The following CFAP74 variants were observed in gnomAD, a reference collection of about 807,000 sequenced individuals.
CFAP74 encodes the protein cilia- and flagella-associated protein 74.
In CFAP74, 124 loss-of-function variants were observed where a neutral mutation model predicts 188.9. The observed-to-expected ratio is 0.66, with a 90% CI of 0.57 to 0.76. The LOEUF (loss-of-function observed/expected upper bound fraction) is 0.76, where lower values mean the gene tolerates loss of function less well. Among genes scored for constraint, CFAP74 ranks in the 30% least tolerant of loss-of-function variants. The pLI, the probability that CFAP74 is intolerant of heterozygous loss-of-function variation, is 0.00. For missense variants in CFAP74, 2,198 were observed against 2,165.2 expected (o/e 1.02, Z -0.30); for synonymous variants, 956 against 916.7 (o/e 1.04, Z -0.77).
chr1:1,962,560 G>A (rs1274717520), intron 14 of CFAP74, among the ~76,000 whole-genome samples: 1 of 151,618 alleles, frequency 6.6e-6, no homozygotes, highest in Non-Finnish European at 1.5e-5. Flanking sequence ...CCGTCAGAGG[G>A]AAAAATGAAG....
Position 1,927,626 on chromosome 1 carries a change from T to C in CFAP74, c.3508A>G (p.Lys1170Glu), listed in dbSNP as rs904347342. 4 of 1,550,062 alleles carry C rather than the reference T, an allele frequency of 2.6e-6. No individual in the cohort carries two copies. In the South Asian group the frequency reaches 4.8e-5, roughly 18 times the overall value. Residue 1170 changes from lysine (K) to glutamate (E), a missense_variant, in exon 28 of 39, where the codon AAG becomes GAG. Transcript: ENST00000682832. ...ACCCACCTGGGCCTCAGCTCCCGCTTCCGCATCTCCAGGACGTGGGGGACA... is the reference window on the plus strand; with the variant it reads ...ACCCACCTGGGCCTCAGCTCCCGCTCCCGCATCTCCAGGACGTGGGGGACA... The part of the protein sequence containing the change: ...VSVPHVLEMR[K>E]RELRPSSDEY...
chr1:1,935,051 C>T (rs1180257023), intron 25 of CFAP74, among the ~76,000 whole-genome samples: 30 of 47,750 alleles, frequency 6.3e-4, no homozygotes, highest in South Asian at 1.1e-3. Flanking sequence ...GGGTGTTAGG[C>T]TGTGGGTACA....
In CFAP74 at chr1:1,923,304, C is replaced by T; in HGVS notation, c.4522+63G>A. On this transcript the variant is annotated intron_variant, in intron 36 of 38. Coordinates refer to ENST00000682832, the MANE Select transcript of CFAP74 (RefSeq NM_001304360.2). The surrounding 1 kb of genome is among the most constrained non-coding windows in gnomAD (Gnocchi z 6.3). ...CCTGCTCCGCTGGGTCTCGGGGCCCCCATCCACGGGACAGGGGCACCGGGA... is the reference window on the plus strand; with the variant it reads ...CCTGCTCCGCTGGGTCTCGGGGCCCTCATCCACGGGACAGGGGCACCGGGA... 1 of 1,517,694 alleles carries T rather than the reference C, an allele frequency of 6.6e-7. No individual in the cohort carries two copies. The highest frequency in any genetic ancestry group is 8.9e-7 in the Non-Finnish European group (1 of 1,126,634). The allele number at this position is 1,517,694 out of a possible 1,614,324, so 94.0% of individuals were successfully genotyped here. A position where few individuals can be genotyped will look rare whatever the true frequency, so the allele number is the denominator to read the frequency against.
intron 1 of CFAP74, among the ~76,000 whole-genome samples, chr1:1,993,918 C>A (rs374933354): frequency 6.7e-6 from 1 of 150,070 alleles, no homozygotes; most frequent in Non-Finnish European, 1.5e-5. Flanking sequence ...GGAGGCGGAG[C>A]TTGCAGTGAG....
At chr1:1,966,962 G>A (rs756261754) in intron 11 of CFAP74, among the ~76,000 whole-genome samples, 10 of 151,688 alleles carry the variant, frequency 6.6e-5, no homozygotes, top group Non-Finnish European at 1.2e-4. Flanking sequence ...TCAGCCTCCC[G>A]AGTAGCTGGG....
At chr1:1,988,835 C>T in intron 3 of CFAP74, 54 bp downstream of exon 3, 14 of 387,758 alleles carry the variant, frequency 3.6e-5, no homozygotes, top group Non-Finnish European at 6.2e-5. Context: ...CCCCCACCCC[C>T]ACCCCCACCC....
intron 16 of CFAP74, among the ~76,000 whole-genome samples, chr1:1,958,023 A>G (rs1654783202): frequency 6.6e-6 from 1 of 152,102 alleles, no homozygotes; most frequent in Non-Finnish European, 1.5e-5. Flanking sequence ...ATACTCAAAC[A>G]CTGGTGAGCC....
Position 1,974,065 on chromosome 1 carries a change from C to A in CFAP74, c.634G>T (p.Ala212Ser). ...CGGTTCCGCTCCACCTTCCCCAGGG[C>A]CTCCTGCTCTCTGCAGAGCTGCTCG... ...AAEQLCREQE[A>S]LGKVERNRLL... The change falls in exon 7 of 39, where the codon GCC becomes TCC. Residue 212 changes from alanine to serine, a missense_variant. Physicochemically the swap from Ala to Ser is moderately conservative, Grantham distance 99 (BLOSUM62 1). Coordinates refer to ENST00000682832, the MANE Select transcript of CFAP74 (RefSeq NM_001304360.2). 1 of 1,602,278 alleles carries A rather than the reference C, an allele frequency of 6.2e-7. No homozygotes were observed. The highest frequency in any genetic ancestry group is 1.1e-5 in the South Asian group (1 of 90,068).
intron 25 of CFAP74, among the ~76,000 whole-genome samples, chr1:1,938,649 G>C (rs1020203517): frequency 6.6e-6 from 1 of 152,150 alleles, no homozygotes; most frequent in Non-Finnish European, 1.5e-5. Context: ...ACGTCTGAGT[G>C]GGCCCAGAAC....
rs112683199 is a variant in CFAP74, at chr1:1,991,851, AGC to A, written c.-19-878_-19-877del. 3.9e-3 allele frequency among the ~76,000 whole-genome samples: 595 copies of A among 152,044 alleles called. 10 individuals carry two copies. In the East Asian group the frequency reaches 0.05, roughly 13 times the overall value. On this transcript the variant is annotated intron_variant, in intron 1 of 38. Transcript: ENST00000682832. ...TCAGGAGATCGAGACTATCCTGGCT[AGC>A]ACAGTGAAACCCCATCTCTACTAAA... is the stretch of plus-strand genomic sequence containing the variant.
At chr1:1,948,696 C>T (rs1163618562) in intron 18 of CFAP74, among the ~76,000 whole-genome samples, 1 of 150,482 alleles carries the variant, frequency 6.6e-6, no homozygotes, top group Non-Finnish European at 1.5e-5. Context: ...TCAAGCGATC[C>T]TCCCGGCTCA....
intron 18 of CFAP74, among the ~76,000 whole-genome samples, chr1:1,948,101 G>A (rs1426610645): frequency 6.6e-6 from 1 of 151,844 alleles, no homozygotes; most frequent in African/African-American, 2.4e-5. Flanking sequence ...TCGAACTCCT[G>A]ACCTTGTGAT....
intron 8 of CFAP74, 46 bp from the exon 9 acceptor site, chr1:1,972,128 T>C (rs1404875748): frequency 7.2e-7 from 1 of 1,396,654 alleles, no homozygotes; most frequent in Non-Finnish European, 1.0e-6. Flanking sequence ...TCGCCCAGGC[T>C]GGTGTGCAGT....
intron 9 of CFAP74, among the ~76,000 whole-genome samples, chr1:1,971,401 T>G (rs1316194173): frequency 6.7e-6 from 1 of 148,794 alleles, no homozygotes; most frequent in Non-Finnish European, 1.5e-5. Flanking sequence ...GCACACACGG[T>G]CACACATGCA....
In CFAP74 at chr1:1,921,958, G is replaced by A. The variant is rs1465724945; in HGVS notation, c.*329C>T. On this transcript the variant is annotated 3_prime_UTR_variant, in exon 39 of 39. Transcript: ENST00000682832. ...GTCACCCACACTGCAGGCTGCATGTGTTGGCCTACAAAAAATTTATTGACA... is the reference window on the plus strand; with the variant it reads ...GTCACCCACACTGCAGGCTGCATGTATTGGCCTACAAAAAATTTATTGACA... 1 of 325,620 alleles carries A rather than the reference G, an allele frequency of 3.1e-6. No individual in the cohort carries two copies. Among genetic ancestry groups the A allele is most frequent in the Non-Finnish European group, 5.7e-6 (1 of 174,180 alleles). 20.2% of individuals were successfully genotyped at this position (325,620 alleles called of 1,614,324 possible). A position where few individuals can be genotyped will look rare whatever the true frequency, so the allele number is the denominator to read the frequency against.
chr1:1,964,596 C>G (rs1268662023), intron 13 of CFAP74, among the ~76,000 whole-genome samples: 1 of 152,218 alleles, frequency 6.6e-6, no homozygotes, highest in East Asian at 1.9e-4. Context: ...TCGAGACCAG[C>G]CTGGCCTACA....
At chr1:1,987,138 C>A in intron 4 of CFAP74, 103 bp from the exon 5 acceptor site, 1 of 861,526 alleles carries the variant, frequency 1.2e-6, no homozygotes, top group Non-Finnish European at 1.8e-6. Flanking sequence ...AGCCAGACCC[C>A]CAGAGCCCCC....
rs114981028 is a variant in CFAP74, at chr1:1,956,834, G to T, written c.1852-50C>A. On this transcript the variant is annotated intron_variant, in intron 16 of 38. Coordinates refer to ENST00000682832, the MANE Select transcript of CFAP74 (RefSeq NM_001304360.2). ...CAGGGCCACCGTGCCAGGCCCACAG[G>T]GTGCCCAGCGTGAGGCCTGCACGTG... is the stretch of plus-strand genomic sequence containing the variant. 2,178 of 1,586,694 alleles carry T rather than the reference G, an allele frequency of 1.4e-3. 35 individuals are homozygous for T. The African/African-American group carries it at 0.026, about 19-fold the overall frequency.
At chr1:1,988,795 G>A in intron 3 of CFAP74, 94 bp downstream of exon 3, 1 of 1,099,238 alleles carries the variant, frequency 9.1e-7, no homozygotes, top group Non-Finnish European at 1.3e-6. Flanking sequence ...TGGGAGGGAG[G>A]AAGCAGCCGC....
Sources: allele counts gnomAD v4.1 joint callset (sites outside exome capture counted in the v4.1 genomes callset), GRCh38; gene constraint gnomAD v4.1.1; non-coding constraint Gnocchi (gnomAD v3.1); transcripts MANE v1.5; gene names NCBI Gene and HGNC (gene_info 2026-07-23, HGNC 2026-07-21).